Variants in ROCK2 observed in about 807,000 individuals in gnomAD.
ROCK2 encodes the protein rho-associated protein kinase 2.
ROCK2 carries 61 observed loss-of-function variants against 195.1 expected under a neutral mutation model. The observed-to-expected ratio is 0.31, with a 90% CI of 0.25 to 0.39. The LOEUF (loss-of-function observed/expected upper bound fraction) is 0.39. Ranked by LOEUF, ROCK2 falls within the 10% of genes least tolerant of loss-of-function variation. The pLI is 1.00. For missense variants in ROCK2, 1,109 were observed against 1,637.4 expected (o/e 0.68, Z 5.57); for synonymous variants, 504 against 545.5 (o/e 0.92, Z 1.06).
In ROCK2 at chr2:11,200,890, G is replaced by A. The variant is rs1164949224; in HGVS notation, c.2910+67C>T. ...CATTTAGATCTGTGATACTTAGTAT[G>A]TCTAAAGAAGGTTTAAGATATAGCA... is the stretch of plus-strand genomic sequence containing the variant. On this transcript the variant is annotated intron_variant, in intron 23 of 32. Coordinates refer to ENST00000315872, the MANE Select transcript of ROCK2 (RefSeq NM_004850.5). The A allele has an allele frequency of 5.1e-6, 7 of 1,359,688 alleles. No homozygotes were observed. In the Admixed American group the frequency reaches 1.1e-4, roughly 22 times the overall value. 84.2% of individuals were successfully genotyped at this position (1,359,688 alleles called of 1,614,324 possible).
chr2:11,184,713 C>T (rs1345291318), intron 32 of ROCK2: 11 of 982,828 alleles, frequency 1.1e-5, no homozygotes. Context: ...ATCATCACCA[C>T]CACCATCAAC....
In ROCK2 at chr2:11,344,458, G is replaced by C. The variant is rs1156296751; in HGVS notation, c.-322C>G. The C allele has an allele frequency of 9.9e-7, 1 of 1,015,048 alleles. No homozygotes were observed. The highest frequency in any genetic ancestry group is 1.7e-5 in the African/African-American group (1 of 58,540). The allele number at this position is 1,015,048 out of a possible 1,614,324, so 62.9% of individuals were successfully genotyped here. A position where few individuals can be genotyped will look rare whatever the true frequency, so the allele number is the denominator to read the frequency against. ...CCGCAGGAGTCCTCGGGCGGGAGCA[G>C]GGAAGTGGCGCCGCCACCGCCGCGG... On this transcript the variant is annotated 5_prime_UTR_variant, in exon 1 of 33. Transcript: ENST00000315872. The surrounding 1 kb of genome is among the most constrained non-coding windows in gnomAD (Gnocchi z 5.4).
intron 3 of ROCK2, among the ~76,000 whole-genome samples, chr2:11,251,826 AAAC>A (rs1285426412): frequency 6.6e-6 from 1 of 152,204 alleles, no homozygotes; most frequent in Non-Finnish European, 1.5e-5. Flanking sequence ...AGAAAAAAAC[AAAC>A]AACTCCATCA....
In ROCK2 at chr2:11,221,336, T is replaced by A; in HGVS notation, c.1121A>T (p.Glu374Val). 1.3e-6 allele frequency: 2 copies of A among 1,570,592 alleles called. No individual in the cohort carries two copies. Among genetic ancestry groups the A allele is most frequent in the Non-Finnish European group, 1.7e-6 (2 of 1,164,836 alleles). ...IRETAAPVVP[E>V]LSSDIDSSNF... is the part of the protein sequence containing the mutation. Reference sequence around the variant, plus strand: ...GCTGCTGTCTATGTCACTGCTGAGTTCAGGTACTACAGGAGCTGCCGCTAT... The same window carrying A: ...GCTGCTGTCTATGTCACTGCTGAGTACAGGTACTACAGGAGCTGCCGCTAT... Residue 374 changes from glutamate (E) to valine (V), a missense_variant, in exon 9 of 33, where the codon GAA (glutamate) becomes GTA (valine). Glu to Val is a moderately radical substitution (Grantham distance 121, BLOSUM62 -2). This residue lies in a region of ROCK2 where 253 missense variants were observed against 455.5 expected (regional missense o/e 0.56). Coordinates refer to ENST00000315872, the MANE Select transcript of ROCK2 (RefSeq NM_004850.5).
chr2:11,249,476 A>G (rs1000758740), intron 4 of ROCK2, among the ~76,000 whole-genome samples, 185 bp downstream of exon 4: 2 of 152,252 alleles, frequency 1.3e-5, no homozygotes, highest in African/African-American at 4.8e-5. Context: ...TAAGTATTAC[A>G]TGTCATATCT....
intron 1 of ROCK2, among the ~76,000 whole-genome samples, chr2:11,333,998 C>A (rs754312671): frequency 2.0e-5 from 3 of 152,102 alleles, no homozygotes; most frequent in Non-Finnish European, 4.4e-5. Context: ...CACAACAATC[C>A]GGAAAATATC....
intron 1 of ROCK2, chr2:11,308,572 C>T: frequency 6.6e-7 from 1 of 1,504,852 alleles, no homozygotes; most frequent in South Asian, 1.1e-5. Context: ...CTGGGCAGTG[C>T]ATCAATCCCT....
At chr2:11,257,819 A>G (rs1666089040) in intron 3 of ROCK2, among the ~76,000 whole-genome samples, 1 of 151,392 alleles carries the variant, frequency 6.6e-6, no homozygotes, top group Admixed American at 6.6e-5. Context: ...TACTAACTAG[A>G]GCAGTAATAG....
At chr2:11,295,194 C>T (rs1284542761) in intron 1 of ROCK2, among the ~76,000 whole-genome samples, 1 of 151,698 alleles carries the variant, frequency 6.6e-6, no homozygotes, top group Non-Finnish European at 1.5e-5. Context: ...CCTGAAACTC[C>T]CTATAAAACA....
intron 3 of ROCK2, among the ~76,000 whole-genome samples, chr2:11,252,262 T>C (rs929586395): frequency 6.6e-6 from 1 of 151,700 alleles, no homozygotes; most frequent in African/African-American, 2.4e-5. Flanking sequence ...AATACAAAAA[T>C]TAGCTTGGCA....
intron 3 of ROCK2, among the ~76,000 whole-genome samples, chr2:11,268,474 GTGTGT>G (rs1409744823): frequency 1.1e-5 from 1 of 90,432 alleles, no homozygotes; most frequent in African/African-American, 2.9e-5. Context: ...TACTGTGTGT[GTGTGT>G]TTTTTTCCTT....
At chr2:11,188,005 GC>G (rs1488978214) in intron 32 of ROCK2, among the ~76,000 whole-genome samples, 2 of 150,604 alleles carry the variant, frequency 1.3e-5, no homozygotes, top group African/African-American at 4.9e-5. Context: ...TTACATTTTT[GC>G]TTTATACTTT....
At chr2:11,269,722 G>A (rs1329535018) in intron 3 of ROCK2, among the ~76,000 whole-genome samples, 1 of 152,020 alleles carries the variant, frequency 6.6e-6, no homozygotes. Flanking sequence ...TCTCTTTTCA[G>A]AATCCTCTCT....
Position 11,211,728 on chromosome 2 carries a change from T to C in ROCK2, c.2156A>G (p.Asn719Ser), listed in dbSNP as rs1262884931. Residue 719 changes from asparagine to serine, a missense_variant, in exon 18 of 33, where the codon AAT becomes AGT. Physicochemically the swap from Asn to Ser is conservative, Grantham distance 46. Transcript: ENST00000315872. The stretch of plus-strand genomic sequence containing the variant: ...TTCTTCGATGGACTCATAGATCTTA[T>C]TTTTATCTGCTAGTCGTGCCTTTGT... Reference protein sequence around the residue: ...KATKARLADKNKIYESIEEAK... With the variant: ...KATKARLADKSKIYESIEEAK... 2 of 1,613,394 alleles carry C rather than the reference T, an allele frequency of 1.2e-6. No individual in the cohort carries two copies. Among genetic ancestry groups the C allele is most frequent in the African/African-American group, 2.7e-5 (2 of 74,902 alleles).
chr2:11,333,999 G>A (rs757712784), intron 1 of ROCK2, among the ~76,000 whole-genome samples: 3 of 152,044 alleles, frequency 2.0e-5, no homozygotes, highest in Admixed American at 6.5e-5. Context: ...ACAACAATCC[G>A]GAAAATATCC....
intron 1 of ROCK2, among the ~76,000 whole-genome samples, chr2:11,288,948 C>A (rs1275529708): frequency 6.6e-6 from 1 of 152,042 alleles, no homozygotes; most frequent in African/African-American, 2.4e-5. Context: ...ATCTACTAAT[C>A]CTAGAATAAC....
At chr2:11,188,114 T>C (rs1018417705) in intron 32 of ROCK2, among the ~76,000 whole-genome samples, 1 of 147,822 alleles carries the variant, frequency 6.8e-6, no homozygotes, top group African/African-American at 2.5e-5. Flanking sequence ...TTTTTTTTTT[T>C]TTTTTTTTTT....
At chr2:11,329,073 T>C (rs2148260557) in intron 1 of ROCK2, among the ~76,000 whole-genome samples, 1 of 137,990 alleles carries the variant, frequency 7.2e-6, no homozygotes, top group Admixed American at 8.1e-5. Flanking sequence ...ATAATAATAA[T>C]TTTTTTAAAA....
intron 23 of ROCK2, among the ~76,000 whole-genome samples, chr2:11,200,710 G>C (rs187639317): frequency 5.3e-5 from 8 of 150,750 alleles, no homozygotes; most frequent in Admixed American, 5.3e-4. Context: ...ACTAAGTTCT[G>C]TTTAAAAAGA....
Sources: allele counts gnomAD v4.1 joint callset (sites outside exome capture counted in the v4.1 genomes callset), GRCh38; gene constraint gnomAD v4.1.1; regional missense constraint gnomAD v4.1.1; non-coding constraint Gnocchi (gnomAD v3.1); transcripts MANE v1.5; gene names NCBI Gene and HGNC (gene_info 2026-07-23, HGNC 2026-07-21).